The following TASP1 variants were observed in gnomAD, a reference collection of about 807,000 sequenced individuals.
TASP1 encodes the protein taspase 1, also known as threonine aspartase 1.
In TASP1, 16 loss-of-function variants were observed where a neutral mutation model predicts 56.6. The ratio of observed to expected loss-of-function variants is 0.28; its 90% CI spans 0.19 to 0.43. The LOEUF (loss-of-function observed/expected upper bound fraction) is 0.43. Among genes scored for constraint, TASP1 ranks in the 20% least tolerant of loss-of-function variants. The pLI is 1.00. For synonymous variants in TASP1, 179 were observed against 184.2 expected (o/e 0.97, Z 0.23); for missense variants, 393 against 511.6 (o/e 0.77, Z 2.24).
chr20:13,576,342 G>GAAGAAAGAAAGAAAGAAAGA (rs71188165), intron 6 of TASP1, among the ~76,000 whole-genome samples: 49 of 131,740 alleles, frequency 3.7e-4, no homozygotes, highest in East Asian at 9.0e-4. Flanking sequence ...AGAAAGAAAG[G>GAAGAAAGAAAGAAAGAAAGA]AAGAAAGAAA....
intron 6 of TASP1, among the ~76,000 whole-genome samples, chr20:13,573,414 C>G (rs2046786343): frequency 6.6e-6 from 1 of 152,112 alleles, no homozygotes; most frequent in Admixed American, 6.5e-5. Flanking sequence ...AACTTCCCAG[C>G]CTTCAGGACT....
the TASP1 span, among the ~76,000 whole-genome samples, chr20:13,143,597 A>G: frequency 2.0e-4 from 31 of 152,304 alleles, 2 homozygotes; most frequent in Admixed American, 1.6e-3. Flanking sequence ...TGTCCTGGGC[A>G]CAAGGCAAAA....
At chr20:13,447,827 A>G (rs997955277) in intron 11 of TASP1, among the ~76,000 whole-genome samples, 1 of 151,900 alleles carries the variant, frequency 6.6e-6, no homozygotes, top group African/African-American at 2.4e-5. Flanking sequence ...GGGTACTTGT[A>G]TTTTTTTCTT....
the TASP1 span, among the ~76,000 whole-genome samples, chr20:13,350,191 G>A: frequency 6.7e-6 from 1 of 149,776 alleles, no homozygotes; most frequent in Admixed American, 6.7e-5. Flanking sequence ...TAAAATATAT[G>A]CAGAATCTGT....
intron 2 of TASP1, among the ~76,000 whole-genome samples, chr20:13,629,268 G>GTAATCC (rs1275998864): frequency 6.6e-6 from 1 of 151,082 alleles, no homozygotes; most frequent in Non-Finnish European, 1.5e-5. Context: ...AGAGGCTGAG[G>GTAATCC]CAGGTGAATT....
chr20:13,590,660 A>G (rs1475056822), intron 4 of TASP1, among the ~76,000 whole-genome samples: 5 of 151,950 alleles, frequency 3.3e-5, no homozygotes, highest in Admixed American at 6.6e-5. Context: ...AAGGTCAGGC[A>G]TTCGAGACCA....
At chr20:13,317,249 A>C in the TASP1 span, among the ~76,000 whole-genome samples, 1 of 151,924 alleles carries the variant, frequency 6.6e-6, no homozygotes, top group Non-Finnish European at 1.5e-5. Context: ...TCTACACCAA[A>C]AAAACAAAAC....
chr20:13,562,435 A>T (rs1313276193), intron 7 of TASP1, among the ~76,000 whole-genome samples: 1 of 152,092 alleles, frequency 6.6e-6, no homozygotes, highest in Non-Finnish European at 1.5e-5. Flanking sequence ...TACCAAAAAA[A>T]TAGAGAAAAA....
chr20:13,380,785 G>C, the TASP1 span, among the ~76,000 whole-genome samples: 3 of 152,324 alleles, frequency 2.0e-5, no homozygotes, highest in East Asian at 5.8e-4. Context: ...CAGAGAGGAG[G>C]AATCTAGAGA....
At chr20:13,433,310 C>G (rs1568793339) in intron 12 of TASP1, among the ~76,000 whole-genome samples, 1 of 152,046 alleles carries the variant, frequency 6.6e-6, no homozygotes, top group African/African-American at 2.4e-5. Flanking sequence ...TTTATGTAAA[C>G]CCCATGTCCA....
Position 13,580,962 on chromosome 20 carries a change from C to T in TASP1, c.423G>A (p.Ser141=), listed in dbSNP as rs535638432. ...CTTCACATAAGAGTCTGTTGGCAAC[C>T]GAGACTGGGTTCTTGATTCCTATAA... The part of the protein sequence containing the change: ...GALSGIKNPV[S]VANRLLCEGQ... Residue 141 remains serine, a synonymous_variant, in exon 6 of 14, where the codon TCG becomes TCA. Transcript: ENST00000337743. 67 of 1,606,482 alleles carry T rather than the reference C, an allele frequency of 4.2e-5. No homozygotes were observed. In the South Asian group the frequency reaches 4.6e-4, roughly 11 times the overall value.
chr20:13,496,247 G>T (rs1269703677), intron 10 of TASP1, among the ~76,000 whole-genome samples: 1 of 152,038 alleles, frequency 6.6e-6, no homozygotes, highest in African/African-American at 2.4e-5. Context: ...TAGAGACAGG[G>T]TTTTGCCATG....
chr20:13,214,560 C>G, the TASP1 span, among the ~76,000 whole-genome samples: 23,794 of 115,340 alleles, frequency 0.21, 2,628 homozygotes, highest in African/African-American at 0.36. Context: ...CACACACACA[C>G]ACAGAGAGAG....
At chr20:13,134,805 T>A in the TASP1 span, among the ~76,000 whole-genome samples, 1 of 152,098 alleles carries the variant, frequency 6.6e-6, no homozygotes, top group Admixed American at 6.5e-5. Context: ...GGCAGAAGAA[T>A]AAGAAAAAGC....
At chr20:13,441,641 T>C (rs751431656) in intron 11 of TASP1, among the ~76,000 whole-genome samples, 29 of 152,164 alleles carry the variant, frequency 1.9e-4, no homozygotes, top group Admixed American at 1.3e-4. Flanking sequence ...TCACAGACAG[T>C]GATAACATTT....
intron 12 of TASP1, among the ~76,000 whole-genome samples, chr20:13,423,789 C>T (rs1462439663): frequency 1.3e-5 from 2 of 152,046 alleles, no homozygotes; most frequent in Non-Finnish European, 2.9e-5. Flanking sequence ...TTTTTTAATG[C>T]CTCTAAAAAT....
At chr20:13,360,181 A>G in the TASP1 span, among the ~76,000 whole-genome samples, 2 of 150,824 alleles carry the variant, frequency 1.3e-5, no homozygotes, top group Non-Finnish European at 1.5e-5. Context: ...ACAACCCATT[A>G]TTCTGTTCTA....
chr20:13,259,822 G>A, the TASP1 span, among the ~76,000 whole-genome samples: 1 of 152,180 alleles, frequency 6.6e-6, no homozygotes, highest in African/African-American at 2.4e-5. Flanking sequence ...ATACTTTGGG[G>A]CAGGCCTGTG....
At chr20:13,498,331 TTGTGTGTG>T (rs60099056) in intron 10 of TASP1, among the ~76,000 whole-genome samples, 20,289 of 135,004 alleles carry the variant, frequency 0.15, 1,548 homozygotes, top group Middle Eastern at 0.24. Flanking sequence ...TTCTTTTCTT[TTGTGTGTG>T]TGTGTGTGTG....
Sources: gnomAD v4.1 joint callset for allele counts (sites outside exome capture counted in the v4.1 genomes callset) on GRCh38, gnomAD v4.1.1 for gene constraint, MANE v1.5 for transcripts, NCBI Gene and HGNC (gene_info 2026-07-23, HGNC 2026-07-21) for gene names.